GRIN3A: variants seen among roughly 807,000 people sequenced by gnomAD.
The protein encoded by GRIN3A is glutamate receptor ionotropic, NMDA 3A.
Under a neutral mutation model 92.4 loss-of-function variants are expected in GRIN3A, and 47 were observed. The ratio of observed to expected loss-of-function variants is 0.51; its 90% CI spans 0.40 to 0.65. The LOEUF (loss-of-function observed/expected upper bound fraction) is 0.65. Among genes scored for constraint, GRIN3A ranks in the 30% least tolerant of loss-of-function variants. GRIN3A has a pLI of 0.00. For synonymous variants in GRIN3A, 527 were observed against 540.6 expected, an observed-to-expected ratio of 0.97 and a Z score of 0.35; for missense variants, 1,324 against 1,393.1, an observed-to-expected ratio of 0.95 and a Z score of 0.79.
chr9:101,569,417 A>G lies in GRIN3A; in HGVS notation c.*3757T>C, dbSNP rs1166296247. 6.6e-6 allele frequency: 1 copy of G among 152,238 alleles called. No homozygotes were observed. Among genetic ancestry groups the G allele is most frequent in the Non-Finnish European group, 1.5e-5 (1 of 68,042 alleles). 9.4% of individuals were successfully genotyped at this position (152,238 alleles called of 1,614,324 possible). On this transcript the variant is annotated 3_prime_UTR_variant, in exon 9 of 9. Transcript: ENST00000361820. The stretch of plus-strand genomic sequence containing the variant: ...CTGAAGATGGAAAAGACCTGAGGAC[A>G]TCTAATCCATCCATGTGGTTGTACA...
At chr9:101,630,163 C>T (rs1398803415) in intron 3 of GRIN3A, among the ~76,000 whole-genome samples, 1 of 152,162 alleles carries the variant, frequency 6.6e-6, no homozygotes, top group African/African-American at 2.4e-5. Flanking sequence ...TGTGTAGCTT[C>T]ACCCTCCTAC....
intron 1 of GRIN3A, among the ~76,000 whole-genome samples, chr9:101,698,808 A>G (rs1435745319): frequency 6.6e-6 from 1 of 152,022 alleles, no homozygotes; most frequent in East Asian, 1.9e-4. Flanking sequence ...AGATGGGACT[A>G]CAGGTGCGAG....
intron 1 of GRIN3A, among the ~76,000 whole-genome samples, chr9:101,699,398 A>G (rs528358069): frequency 5.3e-4 from 81 of 152,330 alleles, no homozygotes; most frequent in Non-Finnish European, 9.6e-4. Context: ...AGTAGAAGGA[A>G]TAACCTCTAA....
chr9:101,728,780 A>G (rs1185263077), intron 1 of GRIN3A, among the ~76,000 whole-genome samples: 1 of 152,182 alleles, frequency 6.6e-6, no homozygotes, highest in Non-Finnish European at 1.5e-5. Flanking sequence ...TTATAATCAG[A>G]AAAGCAATAT....
rs554328806 is a variant in GRIN3A, at chr9:101,618,493, T to C, written c.2614+4825A>G. 4.5e-3 allele frequency among the ~76,000 whole-genome samples: 679 copies of C among 152,140 alleles called. 3 individuals carry two copies. Among genetic ancestry groups the C allele is most frequent in the African/African-American group, 0.015 (623 of 41,472 alleles). ...AGAGAAATGCAAATCAAAACCACAA[T>C]GACATACCATCTCACACCAGTTAGA... On this transcript the variant is annotated intron_variant, in intron 5 of 8. Coordinates refer to ENST00000361820, the MANE Select transcript of GRIN3A (RefSeq NM_133445.3).
chr9:101,683,170 A>G (rs373057573), intron 2 of GRIN3A, among the ~76,000 whole-genome samples: 149 of 152,306 alleles, frequency 9.8e-4, no homozygotes, highest in African/African-American at 3.3e-3. Context: ...GTCTGCCATG[A>G]GAAATGACTT....
chr9:101,599,826 T>C (rs1223893989), intron 6 of GRIN3A, among the ~76,000 whole-genome samples: 1 of 152,216 alleles, frequency 6.6e-6, no homozygotes, highest in African/African-American at 2.4e-5. Context: ...CTAGAAGCTA[T>C]ACAGGTGGTC....
At chr9:101,624,279 T>G (rs1048706264) in intron 4 of GRIN3A, among the ~76,000 whole-genome samples, 2 of 151,908 alleles carry the variant, frequency 1.3e-5, no homozygotes, top group African/African-American at 4.8e-5. Context: ...AATGTGCAGG[T>G]TAGTTACATA....
At chr9:101,683,903 A>G (rs1588281521) in intron 2 of GRIN3A, among the ~76,000 whole-genome samples, 1 of 152,116 alleles carries the variant, frequency 6.6e-6, no homozygotes, top group East Asian at 1.9e-4. Context: ...AAAACCAAAC[A>G]GAAATCATCC....
chr9:101,579,443 G>T (rs1827863734), intron 6 of GRIN3A, 83 bp from the exon 7 acceptor site: 1 of 1,379,932 alleles, frequency 7.2e-7, no homozygotes, highest in African/African-American at 1.4e-5. Context: ...TTTTCAGATG[G>T]ATATTCATTT....
At chr9:101,710,755 A>G (rs1302044462) in intron 1 of GRIN3A, among the ~76,000 whole-genome samples, 2 of 152,244 alleles carry the variant, frequency 1.3e-5, no homozygotes, top group African/African-American at 2.4e-5. Context: ...GCAACCAGAC[A>G]TGGTTTTAGG....
intron 6 of GRIN3A, among the ~76,000 whole-genome samples, chr9:101,581,504 C>T (rs549070863): frequency 1.6e-4 from 25 of 152,068 alleles, no homozygotes; most frequent in African/African-American, 5.3e-4. Context: ...GCTAGCTAGT[C>T]CCTTTTGTTG....
chr9:101,722,680 T>C (rs1019479307), intron 1 of GRIN3A, among the ~76,000 whole-genome samples: 2 of 152,294 alleles, frequency 1.3e-5, no homozygotes, highest in East Asian at 3.9e-4. Context: ...AGCTTTAAAA[T>C]TTGACTGCCC....
At chr9:101,708,719 G>A (rs972082424) in intron 1 of GRIN3A, among the ~76,000 whole-genome samples, 20 of 152,090 alleles carry the variant, frequency 1.3e-4, no homozygotes, top group Admixed American at 2.6e-4. Flanking sequence ...TGTCTTATGC[G>A]TTTCTATGGC....
At chr9:101,696,915 T>G (rs1457908193) in intron 1 of GRIN3A, among the ~76,000 whole-genome samples, 1 of 152,158 alleles carries the variant, frequency 6.6e-6, no homozygotes, top group Non-Finnish European at 1.5e-5. Context: ...TTCCATACTC[T>G]CAAGACATTT....
chr9:101,727,085 C>T (rs2050641), intron 1 of GRIN3A, among the ~76,000 whole-genome samples: 115,750 of 152,102 alleles, frequency 0.76, 44,410 homozygotes, highest in African/African-American at 0.87. Context: ...TACAAAAATG[C>T]TAAGATGAGT....
intron 6 of GRIN3A, among the ~76,000 whole-genome samples, chr9:101,602,096 A>C (rs1160106145): frequency 6.6e-6 from 1 of 152,056 alleles, no homozygotes; most frequent in Non-Finnish European, 1.5e-5. Flanking sequence ...GAAGCCACCT[A>C]TACTGTGTGA....
intron 3 of GRIN3A, among the ~76,000 whole-genome samples, chr9:101,643,952 T>C (rs1184635104): frequency 6.6e-6 from 1 of 151,770 alleles, no homozygotes; most frequent in Non-Finnish European, 1.5e-5. Context: ...GGGAATTTAA[T>C]GTACACTATG....
At chr9:101,712,266 G>T (rs974472413) in intron 1 of GRIN3A, among the ~76,000 whole-genome samples, 3 of 152,124 alleles carry the variant, frequency 2.0e-5, no homozygotes, top group Non-Finnish European at 4.4e-5. Flanking sequence ...CTATCTGATG[G>T]TTTAATTAAT....
Sources: gnomAD v4.1 joint callset for allele counts (sites outside exome capture counted in the v4.1 genomes callset) on GRCh38, gnomAD v4.1.1 for gene constraint, MANE v1.5 for transcripts, NCBI Gene and HGNC (gene_info 2026-07-23, HGNC 2026-07-21) for gene names.